Variants in URGCP observed in about 807,000 individuals in gnomAD.
The protein encoded by URGCP is up-regulator of cell proliferation.
Under a neutral mutation model 24.6 loss-of-function variants are expected in URGCP, and 13 were observed. The observed-to-expected ratio is 0.53, with a 90% CI of 0.34 to 0.84. URGCP has a LOEUF of 0.84. Ranked by LOEUF, URGCP falls within the 40% of genes least tolerant of loss-of-function variation. URGCP has a pLI of 0.01. For synonymous variants in URGCP, 444 were observed against 487.2 expected (o/e 0.91, Z 1.17); for missense variants, 899 against 1,194.3 (o/e 0.75, Z 3.64).
chr7:43,921,549 T>A (rs2095922482), intron 1 of URGCP, among the ~76,000 whole-genome samples: 1 of 152,222 alleles, frequency 6.6e-6, no homozygotes. Flanking sequence ...TGCTAAATGT[T>A]TTACAGTTAT....
Position 43,876,899 on chromosome 7 carries a change from T to C in URGCP, c.2564A>G (p.Gln855Arg). The change falls in exon 6 of 6, where the codon CAG becomes CGG. Residue 855 changes from glutamine (Q) to arginine (R), a missense_variant. Gln to Arg is a conservative substitution (Grantham distance 43, BLOSUM62 1). Transcript: ENST00000453200. ...TGCCAGTGCCCGGAAGCCGTCGCCC[T>C]GTTTCTCCATCTGGGCTGCAGCCCT... is the stretch of plus-strand genomic sequence containing the variant. The part of the protein sequence containing the change: ...LSRAAAQMEK[Q>R]GDGFRALAGL... The C allele has an allele frequency of 6.2e-7, 1 of 1,614,002 alleles. No individual in the cohort carries two copies. The highest frequency in any genetic ancestry group is 8.5e-7 in the Non-Finnish European group (1 of 1,179,994).
At chr7:43,893,762 T>C (rs1269930249) in intron 1 of URGCP, among the ~76,000 whole-genome samples, 1 of 152,138 alleles carries the variant, frequency 6.6e-6, no homozygotes. Flanking sequence ...TCCCAGCTAC[T>C]TGGGAGGCCG....
upstream of URGCP, chr7:43,926,610 G>T: frequency 6.6e-7 from 1 of 1,520,952 alleles, no homozygotes; most frequent in Admixed American, 2.2e-5. Context: ...TCGAGGTGTG[G>T]GCGGGGCGCC....
intron 1 of URGCP, among the ~76,000 whole-genome samples, chr7:43,899,602 T>G (rs1286493379): frequency 6.6e-6 from 1 of 152,166 alleles, no homozygotes; most frequent in Non-Finnish European, 1.5e-5. Flanking sequence ...TAAAATAATT[T>G]AAGGTTGCTC....
intron 1 of URGCP, among the ~76,000 whole-genome samples, chr7:43,891,087 C>G (rs2095869937): frequency 6.6e-6 from 1 of 152,192 alleles, no homozygotes; most frequent in Non-Finnish European, 1.5e-5. Context: ...TAAGTAATTA[C>G]CGACTAGGGG....
chr7:43,900,469 C>CAAAA (rs759728715), intron 1 of URGCP, among the ~76,000 whole-genome samples: 6 of 114,492 alleles, frequency 5.2e-5, no homozygotes, highest in East Asian at 2.6e-4. Context: ...AAAACCAAAA[C>CAAAA]AAAAAAAAAA....
chr7:43,917,773 T>G (rs1175853219), intron 1 of URGCP, among the ~76,000 whole-genome samples: 1 of 152,112 alleles, frequency 6.6e-6, no homozygotes, highest in East Asian at 1.9e-4. Flanking sequence ...GGCTCATGCC[T>G]ATATTCCAGC....
intron 5 of URGCP, among the ~76,000 whole-genome samples, chr7:43,880,341 A>G (rs2095851990): frequency 6.6e-6 from 1 of 152,202 alleles, no homozygotes; most frequent in African/African-American, 2.4e-5. Flanking sequence ...CTTATAAGCT[A>G]GATGCTTGAA....
intron 3 of URGCP, among the ~76,000 whole-genome samples, chr7:43,885,465 T>C (rs1228748898): frequency 6.6e-6 from 1 of 152,026 alleles, no homozygotes; most frequent in Admixed American, 6.6e-5. Flanking sequence ...CTTTAAGTCT[T>C]TAAAATGAAG....
chr7:43,913,380 TTTTTTTATTTTTTA>T (rs943425929), intron 1 of URGCP, among the ~76,000 whole-genome samples: 2 of 151,794 alleles, frequency 1.3e-5, no homozygotes, highest in African/African-American at 2.4e-5. Context: ...GGCTATTTTT[TTTTTTTATTTTTTA>T]TTTTTAGTAG....
intron 1 of URGCP, among the ~76,000 whole-genome samples, chr7:43,915,267 C>T (rs1328101572): frequency 6.6e-6 from 1 of 152,138 alleles, no homozygotes; most frequent in Non-Finnish European, 1.5e-5. Context: ...ATTTTGGTGG[C>T]CCATACAGGG....
intron 1 of URGCP, among the ~76,000 whole-genome samples, chr7:43,925,321 G>C (rs2095927897): frequency 6.6e-6 from 1 of 152,096 alleles, no homozygotes; most frequent in Non-Finnish European, 1.5e-5. Context: ...TGGCTGGCTG[G>C]AGACAATTCT....
chr7:43,918,635 G>C, intron 1 of URGCP: 1 of 585,588 alleles, frequency 1.7e-6, no homozygotes, highest in South Asian at 2.1e-5. Context: ...TGGATATCTG[G>C]GGGGCTGGCA....
chr7:43,914,166 GTA>G (rs1326342277), intron 1 of URGCP, among the ~76,000 whole-genome samples: 1 of 152,104 alleles, frequency 6.6e-6, no homozygotes, highest in Non-Finnish European at 1.5e-5. Context: ...GCTAATTTTT[GTA>G]TGTTTTGTAG....
At position 43,893,556 on chromosome 7, in the gene URGCP, G is replaced by A. The variant is rs571957787; in HGVS notation, c.15-5740C>T. Among the ~76,000 whole-genome samples the A allele has an allele frequency of 1.9e-3, 288 of 152,184 alleles. 2 individuals are homozygous for A. Among genetic ancestry groups the A allele is most frequent in the African/African-American group, 6.7e-3 (277 of 41,540 alleles). On this transcript the variant is annotated intron_variant, in intron 1 of 5. Coordinates refer to ENST00000453200, the MANE Select transcript of URGCP (RefSeq NM_001077663.3). ...ACAAGAAACTCACTTCACCTATAAA[G>A]AGACATACAGACTGAAAGTAAAAGG...
chr7:43,883,076 C>T (rs1044536994), intron 3 of URGCP, among the ~76,000 whole-genome samples: 1 of 151,870 alleles, frequency 6.6e-6, no homozygotes, highest in Non-Finnish European at 1.5e-5. Context: ...TCCAAAGTCT[C>T]CAAACATCAT....
chr7:43,890,053 C>T (rs1157308261), intron 1 of URGCP, among the ~76,000 whole-genome samples: 6 of 151,278 alleles, frequency 4.0e-5, no homozygotes, highest in Non-Finnish European at 5.9e-5. Context: ...TACAGGCATG[C>T]GCCACCACGC....
chr7:43,907,946 C>A (rs1447446752), upstream of URGCP, among the ~76,000 whole-genome samples: 1 of 152,078 alleles, frequency 6.6e-6, no homozygotes, highest in African/African-American at 2.4e-5. Flanking sequence ...GGTAAAGCCA[C>A]GCGAACTTGT....
chr7:43,905,947 G>A (rs1310723996), intron 1 of URGCP: 1 of 152,154 alleles, frequency 6.6e-6, no homozygotes, highest in Non-Finnish European at 1.5e-5. Flanking sequence ...GTTGAAAAGA[G>A]GTAATATCAA....
Sources: gnomAD v4.1 joint callset for allele counts (sites outside exome capture counted in the v4.1 genomes callset) on GRCh38, gnomAD v4.1.1 for gene constraint, MANE v1.5 for transcripts, NCBI Gene and HGNC (gene_info 2026-07-23, HGNC 2026-07-21) for gene names.